Variants in PLCB4 observed in about 807,000 individuals in gnomAD.
PLCB4 encodes the protein 1-phosphatidylinositol 4,5-bisphosphate phosphodiesterase beta-4.
In PLCB4, 77 loss-of-function variants were observed where a neutral mutation model predicts 178.8. The ratio of observed to expected loss-of-function variants is 0.43; its 90% CI spans 0.36 to 0.52. The LOEUF is 0.52. Ranked by LOEUF, PLCB4 falls within the 20% of genes least tolerant of loss-of-function variation. The probability of loss-of-function intolerance (pLI) is 0.00; values close to 1 mark genes in which losing one functional copy is unlikely to be tolerated. For synonymous variants in PLCB4, 496 were observed against 490.8 expected (o/e 1.01, Z -0.14); for missense variants, 1,024 against 1,453.4 (o/e 0.70, Z 4.80).
At chr20:9,125,676 G>C (rs2092093845) in intron 2 of PLCB4, among the ~76,000 whole-genome samples, 1 of 152,084 alleles carries the variant, frequency 6.6e-6, no homozygotes, top group Non-Finnish European at 1.5e-5. Flanking sequence ...ACCAACATAA[G>C]GAGAAAATAA....
At chr20:9,476,608 T>C in intron 38 of PLCB4, 109 bp from the exon 39 acceptor site, 1 of 760,258 alleles carries the variant, frequency 1.3e-6, no homozygotes, top group South Asian at 1.6e-5. Context: ...CTTTTTGCTT[T>C]TCTGTATATG....
intron 7 of PLCB4, among the ~76,000 whole-genome samples, chr20:9,349,033 A>G (rs1389801472): frequency 2.0e-5 from 3 of 152,002 alleles, no homozygotes; most frequent in South Asian, 2.1e-4. Flanking sequence ...ATGACATTCT[A>G]TGCAGAAAGT....
At chr20:9,261,578 A>G (rs2147550104) in intron 3 of PLCB4, among the ~76,000 whole-genome samples, 1 of 152,332 alleles carries the variant, frequency 6.6e-6, no homozygotes. Context: ...AAAATATTCT[A>G]AGAGTTTAAA....
chr20:9,092,182 G>C (rs1035360700), intron 1 of PLCB4, among the ~76,000 whole-genome samples: 15 of 152,110 alleles, frequency 9.9e-5, no homozygotes, highest in Non-Finnish European at 1.3e-4. Flanking sequence ...TTGTGAGACA[G>C]GTTAAGACTG....
At chr20:9,368,770 A>G (rs1243020299) in intron 9 of PLCB4, among the ~76,000 whole-genome samples, 1 of 152,148 alleles carries the variant, frequency 6.6e-6, no homozygotes, top group East Asian at 1.9e-4. Flanking sequence ...TGTTTTAGCC[A>G]CTTGCGAAGT....
chr20:9,369,202 C>T (rs901188336), intron 9 of PLCB4, among the ~76,000 whole-genome samples: 1 of 152,062 alleles, frequency 6.6e-6, no homozygotes, highest in Non-Finnish European at 1.5e-5. Flanking sequence ...GATTTCATGC[C>T]CACGTTGATC....
intron 3 of PLCB4, among the ~76,000 whole-genome samples, chr20:9,255,136 G>T (rs150182239): frequency 1.1e-3 from 168 of 152,252 alleles, no homozygotes; most frequent in Non-Finnish European, 1.8e-3. Flanking sequence ...GTTGTACCTT[G>T]CCCTGTTAAT....
rs572948665 is a variant in PLCB4 at position 9,217,690 on chromosome 20, T to C, written c.-16+238T>C. On this transcript the variant is annotated intron_variant, in intron 3 of 39. Transcript: ENST00000378473. ...GCACTTTACCCTTTGCTAGATTTTC[T>C]ACTTGCTCTCTGCAATAGTGTTGCC... Among the ~76,000 whole-genome samples, 7 of 152,382 alleles carry C rather than the reference T, an allele frequency of 4.6e-5. No individual in the cohort carries two copies. The South Asian group carries it at 1.4e-3, about 32-fold the overall frequency.
chr20:9,185,019 C>T (rs2093309239), intron 2 of PLCB4, among the ~76,000 whole-genome samples: 1 of 152,210 alleles, frequency 6.6e-6, no homozygotes, highest in Non-Finnish European at 1.5e-5. Flanking sequence ...ACCACCTGGG[C>T]TCAAGCCATC....
intron 36 of PLCB4, 141 bp from the exon 37 acceptor site, chr20:9,472,649 G>C (rs1295773064): frequency 2.0e-6 from 1 of 496,654 alleles, no homozygotes; most frequent in Non-Finnish European, 3.6e-6. Flanking sequence ...TTATATGTTT[G>C]AAAATACTGC....
chr20:9,417,447 A>G (rs2040332253), intron 25 of PLCB4, among the ~76,000 whole-genome samples: 1 of 152,204 alleles, frequency 6.6e-6, no homozygotes, highest in African/African-American at 2.4e-5. Flanking sequence ...ATGAATTTAT[A>G]TAACATATGG....
At chr20:9,361,761 T>C (rs1162749144) in intron 7 of PLCB4, among the ~76,000 whole-genome samples, 1 of 152,238 alleles carries the variant, frequency 6.6e-6, no homozygotes, top group Non-Finnish European at 1.5e-5. Context: ...ATTAAATTGC[T>C]TGACTTTTTA....
At chr20:9,419,984 A>G in intron 26 of PLCB4, 75 bp downstream of exon 26, 1 of 912,048 alleles carries the variant, frequency 1.1e-6, no homozygotes, top group Non-Finnish European at 1.8e-6. Flanking sequence ...TAAAATATTG[A>G]ATGTTAAATT....
intron 26 of PLCB4, 133 bp from the exon 27 acceptor site, chr20:9,421,164 A>G: frequency 1.6e-6 from 1 of 625,364 alleles, no homozygotes; most frequent in Non-Finnish European, 2.7e-6. Context: ...ATAGAAATGA[A>G]TACATTATTG....
chr20:9,324,828 A>G (rs2030166384), intron 4 of PLCB4, among the ~76,000 whole-genome samples: 1 of 152,198 alleles, frequency 6.6e-6, no homozygotes, highest in South Asian at 2.1e-4. Context: ...CAAAAGTCCA[A>G]CTGGAGTGAC....
rs189512934 is a variant in PLCB4, at chr20:9,266,315, G to A, written c.-15-41485G>A. Among the ~76,000 whole-genome samples the A allele has an allele frequency of 5.3e-5, 8 of 152,244 alleles. No individual in the cohort carries two copies. The South Asian group carries it at 8.3e-4, about 16-fold the overall frequency. ...GTATGTTTGTTTGTTTAACAAGCTC[G>A]CTTGGTAATTCATTTGCAGTTAAAG... On this transcript the variant is annotated intron_variant, in intron 3 of 39. Coordinates refer to ENST00000378473, the MANE Select transcript of PLCB4 (RefSeq NM_001377142.1).
At chr20:9,328,775 C>G (rs1351588569) in intron 4 of PLCB4, among the ~76,000 whole-genome samples, 1 of 152,150 alleles carries the variant, frequency 6.6e-6, no homozygotes. Context: ...GGGTAATACC[C>G]GAGGTTCGTT....
chr20:9,219,124 T>C lies in PLCB4; in HGVS notation c.-16+1672T>C, dbSNP rs148873975. Among the ~76,000 whole-genome samples the C allele has an allele frequency of 6.1e-3, 926 of 152,300 alleles. 5 individuals are homozygous for C. The highest frequency in any genetic ancestry group is 0.027 in the Middle Eastern group (8 of 294). ...AGAAGTTTTGTTAAATATTTTAAGT[T>C]CAAAGAAGAAATTCCTCTACATTAA... On this transcript the variant is annotated intron_variant, in intron 3 of 39. Coordinates refer to ENST00000378473, the MANE Select transcript of PLCB4 (RefSeq NM_001377142.1).
intron 25 of PLCB4, among the ~76,000 whole-genome samples, chr20:9,414,725 A>G (rs1423111489): frequency 1.3e-5 from 2 of 152,216 alleles, no homozygotes; most frequent in Non-Finnish European, 2.9e-5. Flanking sequence ...TGTTACCAGG[A>G]AAGTGAGCAG....
Sources: allele counts gnomAD v4.1 joint callset (sites outside exome capture counted in the v4.1 genomes callset), GRCh38; gene constraint gnomAD v4.1.1; transcripts MANE v1.5; gene names NCBI Gene and HGNC (gene_info 2026-07-23, HGNC 2026-07-21).